The following BNC2 variants were observed in gnomAD, a reference collection of about 807,000 sequenced individuals.
BNC2 encodes the protein basonuclin zinc finger protein 2.
A neutral mutation model predicts 76.3 loss-of-function variants in BNC2; 20 were observed. That is an observed-to-expected ratio of 0.26 (90% CI 0.18 to 0.38). The LOEUF is 0.38. Ranked by LOEUF, BNC2 falls within the 10% of genes least tolerant of loss-of-function variation. The pLI is 1.00. For synonymous variants in BNC2, 582 were observed against 514.8 expected (o/e 1.13, Z -1.77); for missense variants, 1,382 against 1,399.8 (o/e 0.99, Z 0.20).
In BNC2 at chr9:16,552,777, C is replaced by G. The variant is rs369437973; in HGVS notation, c.434-12G>C. 1.9e-6 allele frequency: 3 copies of G among 1,608,644 alleles called. No homozygotes were observed. The African/African-American group carries it at 4.0e-5, about 22-fold the overall frequency. On this transcript the variant is annotated splice_polypyrimidine_tract_variant and intron_variant, in intron 4 of 6. Transcript: ENST00000380672. ...GAGCTTATCCAAGGCTGTGGTGGTC[C>G]CGCCAAAGTTCCAGAGATGGGGGTG...
At chr9:16,669,853 G>C (rs1354373754) in intron 3 of BNC2, among the ~76,000 whole-genome samples, 2 of 152,180 alleles carry the variant, frequency 1.3e-5, no homozygotes, top group African/African-American at 4.8e-5. Flanking sequence ...TTAGAAACTT[G>C]AACTGCAGCT....
intron 3 of BNC2, among the ~76,000 whole-genome samples, chr9:16,703,711 T>C (rs986527123): frequency 3.3e-5 from 5 of 152,152 alleles, no homozygotes; most frequent in African/African-American, 7.2e-5. Flanking sequence ...ATAAGATATA[T>C]ATAACATGTA....
intron 1 of BNC2, among the ~76,000 whole-genome samples, chr9:16,784,727 T>C (rs1826237351): frequency 6.6e-6 from 1 of 152,210 alleles, no homozygotes; most frequent in Non-Finnish European, 1.5e-5. Context: ...AGTGGGCAGG[T>C]ACTGCAACAA....
chr9:16,738,368 G>A lies in BNC2; in HGVS notation c.121C>T (p.Gln41Ter), dbSNP rs1322023272. Residue 41 changes from glutamine to a stop codon, truncating the protein, a stop_gained, in exon 2 of 7, where the codon CAA becomes TAA. Transcript: ENST00000380672. LOFTEE classifies it high-confidence loss of function. ...KVPCCGVDTSQIESEEAEVDV... is the reference protein window; with the variant it reads ...KVPCCGVDTS ...AAAAAAAACCAACATACCTCAATTT[G>A]AGATGTATCAACCCCACAACATGGG... The A allele has an allele frequency of 1.9e-6, 3 of 1,613,838 alleles. No individual in the cohort carries two copies. The highest frequency in any genetic ancestry group is 3.3e-5 in the Admixed American group (2 of 60,008).
At chr9:16,521,326 T>C (rs1460468317) in intron 5 of BNC2, among the ~76,000 whole-genome samples, 1 of 152,152 alleles carries the variant, frequency 6.6e-6, no homozygotes, top group Non-Finnish European at 1.5e-5. Context: ...CCAACTGAAA[T>C]CTTAAGTTAA....
chr9:16,562,195 AT>A (rs1346061788), intron 4 of BNC2, among the ~76,000 whole-genome samples: 3 of 152,192 alleles, frequency 2.0e-5, no homozygotes, highest in African/African-American at 7.2e-5. Flanking sequence ...TTAGTAATGT[AT>A]TGCTCTTTAG....
In BNC2 at chr9:16,454,142, G is replaced by GT. The variant is rs547506165; in HGVS notation, c.670-16619dup. Among the ~76,000 whole-genome samples, 696 of 151,638 alleles carry GT rather than the reference G, an allele frequency of 4.6e-3. 2 individuals are homozygous for GT. Among genetic ancestry groups the GT allele is most frequent in the Middle Eastern group, 0.017 (5 of 294 alleles). The stretch of plus-strand genomic sequence containing the variant: ...GAAGTCCCATTCTGCTTTTTTTTGT[G>GT]TTTTTTTAATCACATTCTATTTTAT... On this transcript the variant is annotated intron_variant, in intron 5 of 6. Transcript: ENST00000380672.
chr9:16,849,963 C>A (rs1443277283), intron 1 of BNC2, among the ~76,000 whole-genome samples: 1 of 152,118 alleles, frequency 6.6e-6, no homozygotes, highest in Non-Finnish European at 1.5e-5. Context: ...TTGTACTTCA[C>A]TAGCTTTCTG....
chr9:16,759,703 T>C (rs1259780798), intron 1 of BNC2, among the ~76,000 whole-genome samples: 1 of 149,336 alleles, frequency 6.7e-6, no homozygotes, highest in African/African-American at 2.5e-5. Flanking sequence ...ATAGAATACC[T>C]CAATTTTTGG....
At chr9:16,677,634 T>G (rs182589944) in intron 3 of BNC2, among the ~76,000 whole-genome samples, 1 of 137,770 alleles carries the variant, frequency 7.3e-6, no homozygotes, top group African/African-American at 2.9e-5. Flanking sequence ...TACTGGTCAT[T>G]CTATTCAACT....
intron 3 of BNC2, among the ~76,000 whole-genome samples, chr9:16,683,773 G>T: frequency 6.6e-6 from 1 of 152,196 alleles, no homozygotes; most frequent in East Asian, 1.9e-4. Context: ...GCACATTTAG[G>T]AAGGCAGAAG....
intron 5 of BNC2, among the ~76,000 whole-genome samples, chr9:16,512,903 A>AG (rs113656033): frequency 0.11 from 16,672 of 152,062 alleles, 1,201 homozygotes; most frequent in East Asian, 0.29. Context: ...TGGGAGGCTG[A>AG]GGGGGGAAGA....
At chr9:16,824,733 G>C (rs1183294114) in intron 1 of BNC2, among the ~76,000 whole-genome samples, 1 of 152,158 alleles carries the variant, frequency 6.6e-6, no homozygotes, top group African/African-American at 2.4e-5. Flanking sequence ...AAAAGTATGA[G>C]CCACAGAGGG....
At position 16,415,579 on chromosome 9, in the gene BNC2, G is replaced by A. The variant is rs1820568784; in HGVS notation, c.*3410C>T. The A allele has an allele frequency of 6.6e-6, 1 of 152,234 alleles. No individual in the cohort carries two copies. Among genetic ancestry groups the A allele is most frequent in the African/African-American group, 2.4e-5 (1 of 41,452 alleles). The allele number at this position is 152,234 out of a possible 1,614,324, so 9.4% of individuals were successfully genotyped here. A position where few individuals can be genotyped will look rare whatever the true frequency, so the allele number is the denominator to read the frequency against. On this transcript the variant is annotated 3_prime_UTR_variant, in exon 7 of 7. Transcript: ENST00000380672. ...AAGCAAATGAGTAGGAATGGGCAAAGATGAGCTCCATGACTAAAACGCTGA... is the reference window on the plus strand; with the variant it reads ...AAGCAAATGAGTAGGAATGGGCAAAAATGAGCTCCATGACTAAAACGCTGA...
At chr9:16,444,012 C>T (rs749522148) in intron 5 of BNC2, among the ~76,000 whole-genome samples, 13 of 152,124 alleles carry the variant, frequency 8.5e-5, no homozygotes, top group Non-Finnish European at 1.8e-4. Flanking sequence ...ACGCAAATTG[C>T]TTGAACTCTC....
intron 3 of BNC2, among the ~76,000 whole-genome samples, chr9:16,615,871 G>A (rs1199824484): frequency 6.6e-6 from 1 of 152,078 alleles, no homozygotes; most frequent in Non-Finnish European, 1.5e-5. Flanking sequence ...AGCATGATTG[G>A]TACTATTATA....
intron 3 of BNC2, among the ~76,000 whole-genome samples, chr9:16,692,299 A>G (rs947175427): frequency 6.6e-6 from 1 of 152,178 alleles, no homozygotes; most frequent in Non-Finnish European, 1.5e-5. Context: ...CTTACTTTCT[A>G]TCCTCAACAC....
At chr9:16,458,959 C>T (rs1821514809) in intron 5 of BNC2, among the ~76,000 whole-genome samples, 1 of 152,160 alleles carries the variant, frequency 6.6e-6, no homozygotes, top group Non-Finnish European at 1.5e-5. Flanking sequence ...AATAAGAGCA[C>T]CCCTGTTGAG....
intron 1 of BNC2, among the ~76,000 whole-genome samples, chr9:16,869,379 G>C (rs1456683452): frequency 1.3e-5 from 2 of 151,660 alleles, no homozygotes; most frequent in Non-Finnish European, 2.9e-5. Flanking sequence ...ATTTCTGTCA[G>C]CGTTACTGTA....
Sources: gnomAD v4.1 joint callset for allele counts (sites outside exome capture counted in the v4.1 genomes callset) on GRCh38, gnomAD v4.1.1 for gene constraint, MANE v1.5 for transcripts, NCBI Gene and HGNC (gene_info 2026-07-23, HGNC 2026-07-21) for gene names.